EHD3: variants seen among roughly 807,000 people sequenced by gnomAD.
The protein encoded by EHD3 is EH domain containing 3, also known as EH domain-containing protein 3.
A neutral mutation model predicts 43.0 loss-of-function variants in EHD3; 17 were observed. That is an observed-to-expected ratio of 0.40 (90% CI 0.27 to 0.59). The LOEUF is 0.59. Among genes scored for constraint, EHD3 ranks in the 20% least tolerant of loss-of-function variants. The pLI, the probability that EHD3 is intolerant of heterozygous loss-of-function variation, is 0.49. For missense variants in EHD3, 594 were observed against 705.6 expected (o/e 0.84, Z 1.79); for synonymous variants, 313 against 289.5 (o/e 1.08, Z -0.82).
At chr2:31,261,827 T>TGATA in intron 5 of EHD3, 114 bp downstream of exon 5, 11 of 1,304,366 alleles carry the variant, frequency 8.4e-6, no homozygotes, top group South Asian at 4.5e-5. Flanking sequence ...CCGCCCAGAA[T>TGATA]CTGCAGGCAA....
chr2:31,266,789 CACACAA>C lies in EHD3; in HGVS notation c.*89_*94del, dbSNP rs1214618088. ...ACACACACACACACACACACACACACACACAAACATGCACACACACATATGCATATC... is the reference window on the plus strand; with the variant it reads ...ACACACACACACACACACACACACACACATGCACACACACATATGCATATC... On this transcript the variant is annotated 3_prime_UTR_variant, in exon 6 of 6. Transcript: ENST00000322054. The surrounding 1 kb of genome is among the most constrained non-coding windows in gnomAD (Gnocchi z 5.1). 32 of 1,277,934 alleles carry C rather than the reference CACACAA, an allele frequency of 2.5e-5. No individual in the cohort carries two copies. Among genetic ancestry groups the C allele is most frequent in the East Asian group, 2.2e-4 (9 of 41,096 alleles). 79.2% of individuals were successfully genotyped at this position (1,277,934 alleles called of 1,614,324 possible).
intron 2 of EHD3, among the ~76,000 whole-genome samples, chr2:31,246,439 C>T (rs149986801): frequency 3.9e-5 from 6 of 152,048 alleles, no homozygotes; most frequent in African/African-American, 9.6e-5. Flanking sequence ...AGGAGCTGGA[C>T]CCCAGGGGAG....
chr2:31,261,531 T>C lies in EHD3; in HGVS notation c.916-18T>C. Reference sequence around the variant, plus strand: ...CAGGGTCTTGATGTGAAGGCTTCTCTCTGGCCCTGTTTGTCAGGTCCACGC... The same window carrying C: ...CAGGGTCTTGATGTGAAGGCTTCTCCCTGGCCCTGTTTGTCAGGTCCACGC... On this transcript the variant is annotated intron_variant, in intron 4 of 5. Transcript: ENST00000322054. The C allele has an allele frequency of 1.2e-6, 2 of 1,613,960 alleles. No individual in the cohort carries two copies. Among genetic ancestry groups the C allele is most frequent in the Non-Finnish European group, 1.7e-6 (2 of 1,179,896 alleles).
chr2:31,258,878 A>G (rs1572471158), intron 3 of EHD3, among the ~76,000 whole-genome samples: 1 of 150,278 alleles, frequency 6.7e-6, no homozygotes, highest in Non-Finnish European at 1.5e-5. Flanking sequence ...TTGGGGATAG[A>G]GTCCAACCAT....
Position 31,266,264 on chromosome 2 carries a change from AT to A in EHD3, c.1170del (p.Ile390MetfsTer7). 4 of 1,614,130 alleles carry A rather than the reference AT, an allele frequency of 2.5e-6. No individual in the cohort carries two copies. The highest frequency in any genetic ancestry group is 3.4e-6 in the Non-Finnish European group (4 of 1,180,034). ...AGTGGACGACATGCTGGCCCATGAC[AT>A]TGCCCAGCTCATGGTGCTAGTGCGC... ...EVVDDMLAHDIAQLMVLVRQE... is the reference protein window; with the variant it reads ...EVVDDMLAHDXAQLMVLVRQE... On this transcript the variant is annotated frameshift_variant, in exon 6 of 6. Coordinates refer to ENST00000322054, the MANE Select transcript of EHD3 (RefSeq NM_014600.3). LOFTEE classifies it high-confidence loss of function. The surrounding 1 kb of genome is among the most constrained non-coding windows in gnomAD (Gnocchi z 5.1).
At chr2:31,256,119 C>G (rs1482044424) in intron 3 of EHD3, among the ~76,000 whole-genome samples, 1 of 152,172 alleles carries the variant, frequency 6.6e-6, no homozygotes, top group Non-Finnish European at 1.5e-5. Flanking sequence ...TGCCCAAGGA[C>G]ACACAGTAAG....
intron 2 of EHD3, among the ~76,000 whole-genome samples, chr2:31,244,930 G>A (rs1425990474): frequency 2.6e-5 from 4 of 152,136 alleles, no homozygotes; most frequent in African/African-American, 9.7e-5. Context: ...GAATGACCTT[G>A]CACAGGTCAC....
At chr2:31,264,220 G>A (rs749544751) in intron 5 of EHD3, among the ~76,000 whole-genome samples, 1 of 152,224 alleles carries the variant, frequency 6.6e-6, no homozygotes, top group Non-Finnish European at 1.5e-5. Flanking sequence ...GCATGTGACT[G>A]TACTGAAGGC....
Position 31,266,376 on chromosome 2 carries a change from G to C in EHD3, c.1280G>C (p.Gly427Ala). ...TLHGPFGHGY[G>A]EGAGEGIDDA... ...CACGGCCCCTTTGGGCATGGCTATG[G>C]GGAGGGGGCTGGAGAAGGTATCGAT... The change falls in exon 6 of 6, where the codon GGG becomes GCG. Residue 427 changes from glycine (G) to alanine (A), a missense_variant. Gly to Ala is a moderately conservative substitution (Grantham distance 60). Coordinates refer to ENST00000322054, the MANE Select transcript of EHD3 (RefSeq NM_014600.3). The surrounding 1 kb of genome is among the most constrained non-coding windows in gnomAD (Gnocchi z 5.1). 6.2e-7 allele frequency: 1 copy of C among 1,614,168 alleles called. No homozygotes were observed. Among genetic ancestry groups the C allele is most frequent in the Non-Finnish European group, 8.5e-7 (1 of 1,180,014 alleles).
At chr2:31,234,912 C>A (rs113105856) in intron 1 of EHD3, 64 bp downstream of exon 1, 5 of 1,481,566 alleles carry the variant, frequency 3.4e-6, no homozygotes, top group African/African-American at 1.4e-5. Flanking sequence ...TCCGGTCACT[C>A]CTGGTGCTCC....
At position 31,260,680 on chromosome 2, in the gene EHD3, G is replaced by T; in HGVS notation, c.673G>T (p.Glu225Ter). The T allele has an allele frequency of 6.2e-7, 1 of 1,614,220 alleles. No homozygotes were observed. The highest frequency in any genetic ancestry group is 8.5e-7 in the Non-Finnish European group (1 of 1,180,044). Residue 225 changes from glutamate to a stop codon, truncating the protein, a stop_gained, in exon 4 of 6, where the codon GAG becomes TAG. Coordinates refer to ENST00000322054, the MANE Select transcript of EHD3 (RefSeq NM_014600.3). LOFTEE classifies it high-confidence loss of function. This position sits in a 1 kb window ranked among gnomAD's most constrained non-coding sequence, Gnocchi z 4.6. Reference sequence around the variant, plus strand: ...GGTGCTGAACAAAGCTGACCAGATCGAGACGCAGCAGCTGATGCGGGTGTA... The same window carrying T: ...GGTGCTGAACAAAGCTGACCAGATCTAGACGCAGCAGCTGATGCGGGTGTA... ...RVVLNKADQIETQQLMRVYGA... is the reference protein window; with the variant it reads ...RVVLNKADQI
chr2:31,238,911 C>T (rs374209711), intron 1 of EHD3, among the ~76,000 whole-genome samples: 4 of 152,080 alleles, frequency 2.6e-5, no homozygotes, highest in Admixed American at 2.0e-4. Flanking sequence ...TAAGCTGCCC[C>T]GGGCTCCTTG....
chr2:31,244,253 G>C (rs772682956), intron 1 of EHD3, 21 bp from the exon 2 acceptor site: 1 of 1,609,360 alleles, frequency 6.2e-7, no homozygotes, highest in East Asian at 2.2e-5. Context: ...CCTGCATTAG[G>C]ACTGTGCTTC....
At chr2:31,241,386 AC>A in intron 1 of EHD3, among the ~76,000 whole-genome samples, 1 of 151,960 alleles carries the variant, frequency 6.6e-6, no homozygotes, top group Non-Finnish European at 1.5e-5. Context: ...TCAAATCCTA[AC>A]CCTGTTACTG....
In EHD3 at chr2:31,244,911, T is replaced by A. The variant is rs574725842; in HGVS notation, c.404+461T>A. Among the ~76,000 whole-genome samples, 19 of 152,312 alleles carry A rather than the reference T, an allele frequency of 1.2e-4. No individual in the cohort carries two copies. In the South Asian group the frequency reaches 3.7e-3, roughly 30 times the overall value. The stretch of plus-strand genomic sequence containing the variant: ...CCTTGGGTTTGAGCACTAACTCTTC[T>A]ACTAAATTGAATGACCTTGCACAGG... On this transcript the variant is annotated intron_variant, in intron 2 of 5. Coordinates refer to ENST00000322054, the MANE Select transcript of EHD3 (RefSeq NM_014600.3).
At chr2:31,259,294 G>T (rs1302366737) in intron 3 of EHD3, among the ~76,000 whole-genome samples, 2 of 152,142 alleles carry the variant, frequency 1.3e-5, no homozygotes, top group Non-Finnish European at 2.9e-5. Context: ...GCTGCTCATG[G>T]GCTGTGTGCC....
rs775793540 is a variant in EHD3, at chr2:31,261,600, G to C, written c.967G>C (p.Gly323Arg). 2 of 1,614,156 alleles carry C rather than the reference G, an allele frequency of 1.2e-6. No individual in the cohort carries two copies. Among genetic ancestry groups the C allele is most frequent in the East Asian group, 2.2e-5 (1 of 44,878 alleles). The stretch of plus-strand genomic sequence containing the variant: ...GAAGAAGGAGATGCCCTCGGTGTTC[G>C]GGAAGGACAACAAGAAGAAGGAGCT... ...SLKKEMPSVF[G>R]KDNKKKELVN... Residue 323 changes from glycine (G) to arginine (R), a missense_variant, in exon 5 of 6, where the codon GGG (glycine) becomes CGG (arginine). Physicochemically the swap from Gly to Arg is moderately radical, Grantham distance 125. This residue lies in a region of EHD3 where 322 missense variants were observed against 348.0 expected (regional missense o/e 0.93). Coordinates refer to ENST00000322054, the MANE Select transcript of EHD3 (RefSeq NM_014600.3).
In EHD3 at chr2:31,269,264, A is replaced by G. The variant is rs1327712644; in HGVS notation, c.*2560A>G. ...TTACTCAGTCTGGGCCATGGAATCC[A>G]TCCAATAAACACAGCAACACCCTAT... On this transcript the variant is annotated 3_prime_UTR_variant, in exon 6 of 6. Transcript: ENST00000322054. 1 of 152,204 alleles carries G rather than the reference A, an allele frequency of 6.6e-6. No homozygotes were observed. Among genetic ancestry groups the G allele is most frequent in the South Asian group, 2.1e-4 (1 of 4,828 alleles). The allele number at this position is 152,204 out of a possible 1,614,324, so 9.4% of individuals were successfully genotyped here.
Position 31,267,339 on chromosome 2 carries a change from G to A in EHD3, c.*635G>A, listed in dbSNP as rs555683172. On this transcript the variant is annotated 3_prime_UTR_variant, in exon 6 of 6. Transcript: ENST00000322054. Reference sequence around the variant, plus strand: ...CAGTATTTCATTTTAAAGAATCCCAGAGCGGGAGAGAGAAGAGAAAAAAAT... The same window carrying A: ...CAGTATTTCATTTTAAAGAATCCCAAAGCGGGAGAGAGAAGAGAAAAAAAT... The A allele has an allele frequency of 6.6e-6, 1 of 152,300 alleles. No homozygotes were observed. The highest frequency in any genetic ancestry group is 2.1e-4 in the South Asian group (1 of 4,830). 9.4% of individuals were successfully genotyped at this position (152,300 alleles called of 1,614,324 possible).
Sources: gnomAD v4.1 joint callset for allele counts (sites outside exome capture counted in the v4.1 genomes callset) on GRCh38, gnomAD v4.1.1 for gene constraint, gnomAD v4.1.1 regional missense constraint, Gnocchi (gnomAD v3.1) non-coding constraint, MANE v1.5 for transcripts, NCBI Gene and HGNC (gene_info 2026-07-23, HGNC 2026-07-21) for gene names.